The following KCNB2 variants were observed in gnomAD, a reference collection of about 807,000 sequenced individuals.
The protein encoded by KCNB2 is delayed rectifier potassium channel protein.
KCNB2 carries 15 observed loss-of-function variants against 61.5 expected under a neutral mutation model. The ratio of observed to expected loss-of-function variants is 0.24; its 90% CI spans 0.16 to 0.38. The LOEUF (loss-of-function observed/expected upper bound fraction) is 0.38. Ranked by LOEUF, KCNB2 falls within the 10% of genes least tolerant of loss-of-function variation. The probability of loss-of-function intolerance (pLI) is 1.00; values close to 1 mark genes in which losing one functional copy is unlikely to be tolerated. For missense variants in KCNB2, 828 were observed against 1,125.2 expected (o/e 0.74, Z 3.78); for synonymous variants, 457 against 446.0 (o/e 1.02, Z -0.31).
At chr8:72,609,196 G>A (rs763806924) in intron 2 of KCNB2, among the ~76,000 whole-genome samples, 3 of 152,122 alleles carry the variant, frequency 2.0e-5, no homozygotes, top group African/African-American at 7.2e-5. Flanking sequence ...CTAGGACCTT[G>A]GTCCATGTTT....
chr8:72,711,634 G>C (rs1182835807), intron 2 of KCNB2, among the ~76,000 whole-genome samples: 1 of 152,216 alleles, frequency 6.6e-6, no homozygotes, highest in Non-Finnish European at 1.5e-5. Flanking sequence ...CAGGGTTCCT[G>C]ACAGAGGGCA....
At chr8:72,562,536 T>A (rs1751058391) in intron 1 of KCNB2, among the ~76,000 whole-genome samples, 1 of 151,994 alleles carries the variant, frequency 6.6e-6, no homozygotes, top group African/African-American at 2.4e-5. Flanking sequence ...TAACTTTCAA[T>A]TGATTGAATG....
chr8:72,815,081 A>T (rs894251037), intron 2 of KCNB2, among the ~76,000 whole-genome samples: 1 of 152,166 alleles, frequency 6.6e-6, no homozygotes, highest in African/African-American at 2.4e-5. Context: ...AATTTTTAGG[A>T]TGTTTTCTCC....
In KCNB2 at chr8:72,714,642, C is replaced by T. The variant is rs1378750367; in HGVS notation, c.579+146329C>T. On this transcript the variant is annotated intron_variant, in intron 2 of 2. Transcript: ENST00000523207. ...TTTTGTCACCACCAGGCCTGCCCTA[C>T]GAGAGCTCCTGAAGTAAGCACTAAA... Among the ~76,000 whole-genome samples, 7 of 152,232 alleles carry T rather than the reference C, an allele frequency of 4.6e-5. No individual in the cohort carries two copies. In the East Asian group the frequency reaches 7.7e-4, roughly 17 times the overall value.
intron 2 of KCNB2, among the ~76,000 whole-genome samples, chr8:72,630,943 G>A (rs1437408965): frequency 2.6e-5 from 4 of 152,122 alleles, no homozygotes; most frequent in East Asian, 1.9e-4. Flanking sequence ...CAGGGGATAC[G>A]TTCCAAGCCC....
At chr8:72,563,777 G>T (rs1171005997) in intron 1 of KCNB2, among the ~76,000 whole-genome samples, 1 of 152,176 alleles carries the variant, frequency 6.6e-6, no homozygotes, top group East Asian at 1.9e-4. Flanking sequence ...GGCTTATTCT[G>T]AAGGCTTGAT....
chr8:72,728,710 G>T (rs1351889214), intron 2 of KCNB2, among the ~76,000 whole-genome samples: 1 of 152,070 alleles, frequency 6.6e-6, no homozygotes, highest in Non-Finnish European at 1.5e-5. Flanking sequence ...AAAGGGAGAG[G>T]GGAGGGAAAG....
intron 2 of KCNB2, among the ~76,000 whole-genome samples, chr8:72,600,160 A>T (rs542712271): frequency 6.6e-6 from 1 of 152,346 alleles, no homozygotes; most frequent in East Asian, 1.9e-4. Context: ...TTATTGCGGC[A>T]TTATTCACAA....
At chr8:72,817,107 C>T (rs1187306121) in intron 2 of KCNB2, among the ~76,000 whole-genome samples, 2 of 152,068 alleles carry the variant, frequency 1.3e-5, no homozygotes, top group Admixed American at 6.5e-5. Context: ...CTTTCAAGGC[C>T]AGGAGGGTAG....
intron 2 of KCNB2, among the ~76,000 whole-genome samples, chr8:72,787,226 CT>C (rs1401039097): frequency 1.3e-5 from 2 of 151,892 alleles, no homozygotes; most frequent in Non-Finnish European, 2.9e-5. Context: ...AAGATCCCGT[CT>C]CTATAATTTT....
intron 2 of KCNB2, among the ~76,000 whole-genome samples, chr8:72,806,433 C>T (rs1210013500): frequency 6.6e-6 from 1 of 151,034 alleles, no homozygotes; most frequent in Non-Finnish European, 1.5e-5. Context: ...TGGTAAAACC[C>T]CATCTCTACT....
chr8:72,721,286 G>A (rs925364642), intron 2 of KCNB2, among the ~76,000 whole-genome samples: 2 of 152,138 alleles, frequency 1.3e-5, no homozygotes, highest in Admixed American at 6.5e-5. Flanking sequence ...CACATCATCC[G>A]GGGGTTGCTG....
chr8:72,859,750 G>A (rs74969784), intron 2 of KCNB2, among the ~76,000 whole-genome samples: 1 of 104,554 alleles, frequency 9.6e-6, no homozygotes, highest in African/African-American at 3.9e-5. Context: ...ATGGAGTTTC[G>A]CTCTTGTTGC....
intron 2 of KCNB2, among the ~76,000 whole-genome samples, chr8:72,783,295 G>A (rs1469130370): frequency 6.6e-6 from 1 of 152,078 alleles, no homozygotes; most frequent in Non-Finnish European, 1.5e-5. Flanking sequence ...TGTCCTTACA[G>A]TGACTTCCTG....
At chr8:72,867,869 T>C (rs1805554684) in intron 2 of KCNB2, among the ~76,000 whole-genome samples, 1 of 152,178 alleles carries the variant, frequency 6.6e-6, no homozygotes, top group South Asian at 2.1e-4. Flanking sequence ...CAATGGCCAC[T>C]CGCTGTAGAT....
At chr8:72,728,215 G>A (rs1174576554) in intron 2 of KCNB2, among the ~76,000 whole-genome samples, 1 of 152,114 alleles carries the variant, frequency 6.6e-6, no homozygotes, top group Non-Finnish European at 1.5e-5. Context: ...TAACTTGAGA[G>A]AATGGAAATA....
intron 2 of KCNB2, among the ~76,000 whole-genome samples, chr8:72,896,879 C>T (rs929494039): frequency 1.3e-5 from 2 of 152,082 alleles, no homozygotes; most frequent in Non-Finnish European, 2.9e-5. Flanking sequence ...AAATCAGAAA[C>T]TTTATTTTCA....
At chr8:72,632,310 T>G (rs1805894855) in intron 2 of KCNB2, among the ~76,000 whole-genome samples, 1 of 152,164 alleles carries the variant, frequency 6.6e-6, no homozygotes, top group Non-Finnish European at 1.5e-5. Flanking sequence ...AAGTGAAAAT[T>G]ATATAAAATC....
chr8:72,671,335 G>A (rs1047227605), intron 2 of KCNB2, among the ~76,000 whole-genome samples: 3 of 152,146 alleles, frequency 2.0e-5, no homozygotes, highest in African/African-American at 4.8e-5. Context: ...TACTAATACT[G>A]TTGTAAGTTA....
Sources: gnomAD v4.1 joint callset for allele counts (sites outside exome capture counted in the v4.1 genomes callset) on GRCh38, gnomAD v4.1.1 for gene constraint, MANE v1.5 for transcripts, NCBI Gene and HGNC (gene_info 2026-07-23, HGNC 2026-07-21) for gene names.